U2SURP: variants seen among roughly 807,000 people sequenced by gnomAD.
U2SURP encodes U2 snRNP associated SURP domain containing, also known as U2 snRNP-associated SURP motif-containing protein.
Under a neutral mutation model 144.9 loss-of-function variants are expected in U2SURP, and 9 were observed. The ratio of observed to expected loss-of-function variants is 0.06; its 90% confidence interval spans 0.04 to 0.11. U2SURP has a LOEUF of 0.11. Ranked by LOEUF, U2SURP falls within the 10% of genes least tolerant of loss-of-function variation. The pLI is 1.00. For missense variants in U2SURP, 724 were observed against 1,226.7 expected (o/e 0.59, Z 6.12); for synonymous variants, 408 against 396.8 (o/e 1.03, Z -0.33).
chr3:143,056,238 C>T (rs555577124), intron 27 of U2SURP, 74 bp from the exon 28 acceptor site: 64 of 1,455,126 alleles, frequency 4.4e-5, no homozygotes, highest in East Asian at 2.5e-4. Flanking sequence ...AGATCATTTT[C>T]GATCGTTTAA....
rs1258378819 is a variant in U2SURP, at chr3:143,003,331, A to G, written c.45+1658A>G. On this transcript the variant is annotated intron_variant, in intron 1 of 27. Transcript: ENST00000473835. Reference sequence around the variant, plus strand: ...TTTGGAGGCTGCATAATGTAGTGGGAAGATTATGAATTTTGTTAACAAGAG... The same window carrying G: ...TTTGGAGGCTGCATAATGTAGTGGGGAGATTATGAATTTTGTTAACAAGAG... 2.0e-5 allele frequency among the ~76,000 whole-genome samples: 3 copies of G among 152,222 alleles called. No homozygotes were observed. The East Asian group carries it at 5.8e-4, about 29-fold the overall frequency.
chr3:143,044,273 T>TC (rs1468242817), intron 24 of U2SURP, among the ~76,000 whole-genome samples: 1 of 117,598 alleles, frequency 8.5e-6, no homozygotes, highest in African/African-American at 3.3e-5. Flanking sequence ...CTTTCCCTTT[T>TC]CCCCTCTCCC....
intron 6 of U2SURP, among the ~76,000 whole-genome samples, chr3:143,018,271 G>A (rs1339480699): frequency 6.6e-6 from 1 of 151,754 alleles, no homozygotes; most frequent in East Asian, 1.9e-4. Flanking sequence ...GTCTATTCTG[G>A]ACATTTTTTA....
intron 19 of U2SURP, among the ~76,000 whole-genome samples, chr3:143,035,268 A>G (rs902255279): frequency 2.6e-5 from 4 of 152,178 alleles, no homozygotes; most frequent in African/African-American, 9.6e-5. Context: ...GGTATATACT[A>G]TTTGGCTGGA....
chr3:143,039,772 A>G (rs1934006136), intron 23 of U2SURP, among the ~76,000 whole-genome samples: 1 of 151,824 alleles, frequency 6.6e-6, no homozygotes, highest in Non-Finnish European at 1.5e-5. Flanking sequence ...GATTTAATAA[A>G]TGGGCATTTG....
At chr3:143,048,448 G>A (rs1934661215) in intron 24 of U2SURP, among the ~76,000 whole-genome samples, 1 of 152,162 alleles carries the variant, frequency 6.6e-6, no homozygotes, top group African/African-American at 2.4e-5. Context: ...TTCACACAGC[G>A]ATGAACTTAG....
At chr3:143,035,289 A>G (rs552247420) in intron 19 of U2SURP, among the ~76,000 whole-genome samples, 1 of 152,326 alleles carries the variant, frequency 6.6e-6, no homozygotes, top group South Asian at 2.1e-4. Context: ...TTAAAGACAT[A>G]CATTTTAATC....
intron 24 of U2SURP, among the ~76,000 whole-genome samples, chr3:143,046,426 T>G (rs1934461353): frequency 7.3e-6 from 1 of 136,934 alleles, no homozygotes; most frequent in Non-Finnish European, 1.6e-5. Context: ...GATAAACAAG[T>G]GAACAAAGGT....
chr3:143,024,882 A>ATT (rs1442498789), intron 13 of U2SURP, among the ~76,000 whole-genome samples: 6 of 151,942 alleles, frequency 3.9e-5, no homozygotes, highest in Admixed American at 3.3e-4. Flanking sequence ...CTGAGAGACA[A>ATT]TTTTTTGTTT....
chr3:143,034,073 C>G (rs776604324), intron 18 of U2SURP, among the ~76,000 whole-genome samples: 37 of 152,076 alleles, frequency 2.4e-4, no homozygotes, highest in Non-Finnish European at 4.7e-4. Flanking sequence ...TAAATGTTTC[C>G]TAAGGCAAAA....
intron 13 of U2SURP, chr3:143,024,377 AT>A (rs892634435): frequency 8.1e-6 from 3 of 368,114 alleles, no homozygotes; most frequent in South Asian, 2.2e-5. Flanking sequence ...ATCTGTTGTT[AT>A]TTTTTTCTTG....
chr3:143,014,224 C>G (rs1235726518), intron 3 of U2SURP, 87 bp from the exon 4 acceptor site: 1 of 824,908 alleles, frequency 1.2e-6, no homozygotes, highest in Non-Finnish European at 1.8e-6. Context: ...GCAGTCTATT[C>G]TGAAGACTTA....
intron 22 of U2SURP, among the ~76,000 whole-genome samples, chr3:143,038,555 T>A (rs1293382682): frequency 6.6e-6 from 1 of 152,066 alleles, no homozygotes; most frequent in African/African-American, 2.4e-5. Context: ...CTAGACTGAT[T>A]AGATGCAATT....
At chr3:143,054,840 T>C in intron 26 of U2SURP, 103 bp from the exon 27 acceptor site, 2 of 1,220,838 alleles carry the variant, frequency 1.6e-6, no homozygotes, top group Non-Finnish European at 2.2e-6. Flanking sequence ...ATGGTTAGAA[T>C]AAAAGAGTAA....
chr3:143,003,406 G>C (rs1935639495), intron 1 of U2SURP, among the ~76,000 whole-genome samples: 1 of 152,104 alleles, frequency 6.6e-6, no homozygotes, highest in Non-Finnish European at 1.5e-5. Context: ...GCGATAATAA[G>C]GCAGATTGCT....
Position 143,012,366 on chromosome 3 carries a change from A to T in U2SURP, c.222+13A>T, listed in dbSNP as rs760137468. The stretch of plus-strand genomic sequence containing the variant: ...GAATCTCTCAAGAGTGAGTATAGAT[A>T]AGATAAGGTAAAGATAAGAAAGGAT... On this transcript the variant is annotated intron_variant, in intron 3 of 27. Transcript: ENST00000473835. The T allele has an allele frequency of 2.5e-6, 4 of 1,594,466 alleles. No homozygotes were observed. The highest frequency in any genetic ancestry group is 1.8e-5 in the Admixed American group (1 of 56,136).
chr3:143,022,077 G>C (rs2108283939), intron 10 of U2SURP, among the ~76,000 whole-genome samples: 1 of 152,294 alleles, frequency 6.6e-6, no homozygotes, highest in South Asian at 2.1e-4. Flanking sequence ...TGTTAGAACA[G>C]ATGATTAGAT....
intron 6 of U2SURP, among the ~76,000 whole-genome samples, chr3:143,019,057 G>A (rs1456761947): frequency 6.6e-6 from 1 of 152,178 alleles, no homozygotes; most frequent in African/African-American, 2.4e-5. Flanking sequence ...ATCTTTTCAT[G>A]TGTTTATTGT....
chr3:143,032,799 G>T lies in U2SURP; in HGVS notation c.1626G>T (p.Leu542Phe). Residue 542 changes from leucine (L) to phenylalanine (F), a missense_variant, in exon 17 of 28, where the codon TTG becomes TTT. Coordinates refer to ENST00000473835, the MANE Select transcript of U2SURP (RefSeq NM_001080415.2). ...GALKEEQRDK[L>F]EEILRGLTPR... is the part of the protein sequence containing the mutation. ...TTATGTTCAGACAGAGGGATAAATT[G>T]GAAGAAATCTTGCGGGGATTAACTC... 1 of 1,612,370 alleles carries T rather than the reference G, an allele frequency of 6.2e-7. No homozygotes were observed. Among genetic ancestry groups the T allele is most frequent in the Non-Finnish European group, 8.5e-7 (1 of 1,179,248 alleles).
Sources: gnomAD v4.1 joint callset for allele counts (sites outside exome capture counted in the v4.1 genomes callset) on GRCh38, gnomAD v4.1.1 for gene constraint, MANE v1.5 for transcripts, NCBI Gene and HGNC (gene_info 2026-07-23, HGNC 2026-07-21) for gene names.